Variants in THAP6 observed in about 807,000 individuals in gnomAD.
THAP6 encodes THAP domain containing 6, also known as THAP domain-containing protein 6.
A neutral mutation model predicts 20.0 loss-of-function variants in THAP6; 13 were observed. The ratio of observed to expected loss-of-function variants is 0.65; its 90% CI spans 0.42 to 1.03. The LOEUF (loss-of-function observed/expected upper bound fraction) is 1.03. THAP6 is among the 50% of genes least tolerant of loss of function. The probability of loss-of-function intolerance (pLI) is 0.00; values close to 1 mark genes in which losing one functional copy is unlikely to be tolerated. For synonymous variants in THAP6, 93 were observed against 92.2 expected (o/e 1.01, Z -0.05); for missense variants, 262 against 261.6 (o/e 1.00, Z -0.01).
intron 4 of THAP6, 115 bp from the exon 5 acceptor site, chr4:75,526,845 C>A (rs572306400): frequency 6.9e-7 from 1 of 1,443,548 alleles, no homozygotes; most frequent in South Asian, 1.5e-5. Flanking sequence ...CCTCTATCAC[C>A]AACTTAAAAA....
downstream of THAP6, among the ~76,000 whole-genome samples, chr4:75,534,083 C>G (rs1400549571): frequency 6.6e-6 from 1 of 152,180 alleles, no homozygotes; most frequent in East Asian, 1.9e-4. Context: ...CTACAAAGGA[C>G]ATGAACTCAT....
At chr4:75,534,005 G>A (rs1261056469), downstream of THAP6, among the ~76,000 whole-genome samples, 2 of 151,380 alleles carry the variant, frequency 1.3e-5, no homozygotes, top group Non-Finnish European at 2.9e-5. Flanking sequence ...GTGAGAACAT[G>A]CAGTGTTTGG....
At chr4:75,538,449 C>T (rs1430310665) in intron 2 of THAP6, among the ~76,000 whole-genome samples, 1 of 151,104 alleles carries the variant, frequency 6.6e-6, no homozygotes, top group Non-Finnish European at 1.5e-5. Context: ...TGGCTTGTGC[C>T]TGAGAAGATA....
At position 75,539,474 on chromosome 4, in the gene THAP6, G is replaced by T. The variant is rs185335111; in HGVS notation, c.166-2935G>T. ...ACAGATAAGTGGGCAATATAGCAGG[G>T]TCTGTGGCAATTAAAGGTACTGAAA... On this transcript the variant is annotated intron_variant, in intron 2 of 4. Coordinates refer to the THAP6 transcript ENST00000502620. Among the ~76,000 whole-genome samples the T allele has an allele frequency of 5.2e-3, 789 of 152,302 alleles. 8 individuals carry two copies. Among genetic ancestry groups the T allele is most frequent in the African/African-American group, 0.018 (755 of 41,558 alleles).
downstream of THAP6, among the ~76,000 whole-genome samples, chr4:75,532,702 C>G (rs984832314): frequency 6.6e-6 from 1 of 152,242 alleles, no homozygotes; most frequent in East Asian, 1.9e-4. Context: ...AACCTCAGTT[C>G]TTGACTTCTG....
rs1726459858 is a variant in THAP6 at position 75,527,546 on chromosome 4, C to T, written c.*332C>T. ...AAGCTATAGTAGAAGGAATTGGACA[C>T]TTCTCCAGATATTTGGCTTCAAAGG... On this transcript the variant is annotated 3_prime_UTR_variant, in exon 5 of 5. Coordinates refer to ENST00000311638, the MANE Select transcript of THAP6 (RefSeq NM_144721.6). The T allele has an allele frequency of 9.3e-7, 1 of 1,070,902 alleles. No individual in the cohort carries two copies. The highest frequency in any genetic ancestry group is 4.8e-5 in the Admixed American group (1 of 20,956). The allele number at this position is 1,070,902 out of a possible 1,614,324, so 66.3% of individuals were successfully genotyped here.
chr4:75,538,490 G>A (rs1260735404), intron 2 of THAP6, among the ~76,000 whole-genome samples: 2 of 152,046 alleles, frequency 1.3e-5, no homozygotes, highest in Non-Finnish European at 1.5e-5. Flanking sequence ...TGATTCTCTG[G>A]CCAAAAGAAA....
rs750222382 is a variant in THAP6 at position 75,528,964 on chromosome 4, A to C, written c.*1750A>C. 111 of 451,396 alleles carry C rather than the reference A, an allele frequency of 2.5e-4. No homozygotes were observed. The highest frequency in any genetic ancestry group is 3.1e-4 in the Non-Finnish European group (105 of 342,370). The allele number at this position is 451,396 out of a possible 1,614,324, so 28.0% of individuals were successfully genotyped here. On this transcript the variant is annotated 3_prime_UTR_variant, in exon 5 of 5. Transcript: ENST00000311638. ...GCTACTTGGGAGACTGAGGCAGGAG[A>C]ATTGCTTGAACCCGGGAGGCGGAGA...
intron 2 of THAP6, among the ~76,000 whole-genome samples, chr4:75,536,189 G>T (rs1024863184): frequency 4.6e-5 from 7 of 152,208 alleles, no homozygotes; most frequent in African/African-American, 1.7e-4. Flanking sequence ...CCCAGACTGG[G>T]CACAGTGGTT....
Position 75,528,868 on chromosome 4 carries a change from G to GGGTT in THAP6, c.*1654_*1655insGGTT. On this transcript the variant is annotated 3_prime_UTR_variant, in exon 5 of 5. Coordinates refer to ENST00000311638, the MANE Select transcript of THAP6 (RefSeq NM_144721.6). ...GTTCAAAACCAGCCTGGCCAAGATG[G>GGGTT]TGAAACCCCATCTCTGCTAAAAATA... The GGGTT allele has an allele frequency of 1.4e-6, 1 of 723,490 alleles. No homozygotes were observed. Among genetic ancestry groups the GGGTT allele is most frequent in the South Asian group, 6.2e-5 (1 of 16,118 alleles). 44.8% of individuals were successfully genotyped at this position (723,490 alleles called of 1,614,324 possible). A position where few individuals can be genotyped will look rare whatever the true frequency, so the allele number is the denominator to read the frequency against.
intron 3 of THAP6, among the ~76,000 whole-genome samples, chr4:75,519,890 TGAG>T (rs1725916427): frequency 6.6e-6 from 1 of 151,998 alleles, no homozygotes; most frequent in Non-Finnish European, 1.5e-5. Flanking sequence ...TCTAGATCCC[TGAG>T]GAGTCGCCAC....
At position 75,527,141 on chromosome 4, in the gene THAP6, A is replaced by C. The variant is rs546553324; in HGVS notation, c.596A>C (p.Glu199Ala). 3 of 1,614,190 alleles carry C rather than the reference A, an allele frequency of 1.9e-6. No individual in the cohort carries two copies. The South Asian group carries it at 3.3e-5, about 18-fold the overall frequency. ...AAGGATGAATGTCTGATCAGCCAAGAAACAGCAAATAGACTGGACACTTTC... is the reference window on the plus strand; with the variant it reads ...AAGGATGAATGTCTGATCAGCCAAGCAACAGCAAATAGACTGGACACTTTC... The part of the protein sequence containing the change: ...ELKDECLISQ[E>A]TANRLDTFCW... The change falls in exon 5 of 5, where the codon GAA becomes GCA. Residue 199 changes from glutamate (E) to alanine (A), a missense_variant. Physicochemically the swap from Glu to Ala is moderately radical, Grantham distance 107. Transcript: ENST00000311638.
upstream of THAP6, chr4:75,514,247 C>T (rs757499951): frequency 6.2e-7 from 1 of 1,613,094 alleles, no homozygotes; most frequent in Non-Finnish European, 8.5e-7. Context: ...TGACCTCGCT[C>T]TTGACCGCTG....
Position 75,527,136 on chromosome 4 carries a change from C to T in THAP6, c.591C>T (p.Ser197=). ...IRELKDECLI[S]QETANRLDTF... ...AATTAAAGGATGAATGTCTGATCAG[C>T]CAAGAAACAGCAAATAGACTGGACA... Residue 197 remains serine (S), a synonymous_variant, in exon 5 of 5, where the codon AGC becomes AGT. Transcript: ENST00000311638. The T allele has an allele frequency of 6.2e-7, 1 of 1,614,064 alleles. No individual in the cohort carries two copies. The highest frequency in any genetic ancestry group is 1.1e-5 in the South Asian group (1 of 91,080).
chr4:75,523,718 T>C (rs761659666), intron 4 of THAP6, among the ~76,000 whole-genome samples: 6 of 151,326 alleles, frequency 4.0e-5, no homozygotes, highest in South Asian at 4.2e-4. Context: ...GGAGGATCGC[T>C]TGAGCCCTGG....
chr4:75,524,474 A>G (rs568318391), intron 4 of THAP6, among the ~76,000 whole-genome samples: 1 of 152,170 alleles, frequency 6.6e-6, no homozygotes, highest in Non-Finnish European at 1.5e-5. Context: ...AACATTTCCT[A>G]TAGTGCAACT....
At chr4:75,536,799 C>T (rs28504656) in intron 2 of THAP6, among the ~76,000 whole-genome samples, 61,541 of 151,948 alleles carry the variant, frequency 0.41, 12,705 homozygotes, top group East Asian at 0.48. Flanking sequence ...CCCAAAGTGC[C>T]GGGATTACAG....
chr4:75,543,731 G>A (rs17000623), intron 3 of THAP6, among the ~76,000 whole-genome samples: 1,727 of 152,310 alleles, frequency 0.011, 41 homozygotes, highest in African/African-American at 0.039. Flanking sequence ...TACTGGGCTG[G>A]GCAAGCCAAA....
At chr4:75,536,674 A>G (rs1453622694) in intron 2 of THAP6, among the ~76,000 whole-genome samples, 1 of 151,948 alleles carries the variant, frequency 6.6e-6, no homozygotes, top group Non-Finnish European at 1.5e-5. Flanking sequence ...TGCCTAGCTA[A>G]TTTTTGTATT....
Sources: allele counts gnomAD v4.1 joint callset (sites outside exome capture counted in the v4.1 genomes callset), GRCh38; gene constraint gnomAD v4.1.1; transcripts MANE v1.5; gene names NCBI Gene and HGNC (gene_info 2026-07-23, HGNC 2026-07-21).